Variants in TUT4 observed in about 807,000 individuals in gnomAD.
The protein encoded by TUT4 is terminal uridylyl transferase 4.
TUT4 carries 36 observed loss-of-function variants against 192.2 expected under a neutral mutation model. The ratio of observed to expected loss-of-function variants is 0.19; its 90% CI spans 0.14 to 0.25. The LOEUF (loss-of-function observed/expected upper bound fraction) is 0.25, where lower values mean the gene tolerates loss of function less well. TUT4 is among the 10% of genes least tolerant of loss of function. TUT4 has a pLI of 1.00. For missense variants in TUT4, 1,493 were observed against 1,957.2 expected (o/e 0.76, Z 4.47); for synonymous variants, 618 against 666.0 (o/e 0.93, Z 1.11).
chr1:52,478,771 C>T lies in TUT4; in HGVS notation c.1849-889G>A, dbSNP rs377231736. 1.4e-4 allele frequency among the ~76,000 whole-genome samples: 22 copies of T among 152,202 alleles called. No individual in the cohort carries two copies. The East Asian group carries it at 2.1e-3, about 15-fold the overall frequency. On this transcript the variant is annotated intron_variant, in intron 11 of 29. Transcript: ENST00000257177. ...TAGATGAAACCTGGCTAAAAGTAAC[C>T]ACTAGGCAGCATAAACACAATGAAA...
At chr1:52,540,820 T>C (rs771147802) in intron 1 of TUT4, among the ~76,000 whole-genome samples, 1 of 152,314 alleles carries the variant, frequency 6.6e-6, no homozygotes, top group Admixed American at 6.5e-5. Context: ...ACTCTTAAAA[T>C]ACTGAGGATC....
At chr1:52,538,135 C>G (rs1257003162) in intron 1 of TUT4, among the ~76,000 whole-genome samples, 1 of 152,104 alleles carries the variant, frequency 6.6e-6, no homozygotes, top group Non-Finnish European at 1.5e-5. Flanking sequence ...GCTTGGGAAG[C>G]TGAGGCACAA....
chr1:52,519,559 G>A (rs1349772609), intron 2 of TUT4, among the ~76,000 whole-genome samples: 1 of 151,676 alleles, frequency 6.6e-6, no homozygotes, highest in Non-Finnish European at 1.5e-5. Context: ...GCCCAGACTG[G>A]AGTGCAGTGG....
chr1:52,507,033 T>C (rs572372890), intron 4 of TUT4, among the ~76,000 whole-genome samples: 2 of 152,344 alleles, frequency 1.3e-5, no homozygotes, highest in Middle Eastern at 3.4e-3. Context: ...TCCCTACTAC[T>C]GAAACAAGAT....
chr1:52,437,111 A>C, intron 25 of TUT4, 133 bp from the exon 26 acceptor site: 1 of 1,272,520 alleles, frequency 7.9e-7, no homozygotes, highest in South Asian at 1.6e-5. Flanking sequence ...CAAGGGAACA[A>C]ACATTTATGG....
intron 26 of TUT4, among the ~76,000 whole-genome samples, chr1:52,436,042 A>G (rs1014437079): frequency 1.3e-5 from 2 of 152,006 alleles, no homozygotes; most frequent in African/African-American, 2.4e-5. Flanking sequence ...TTACTATTTA[A>G]CTCTCAAATT....
At chr1:52,459,921 G>C (rs898300130) in intron 19 of TUT4, among the ~76,000 whole-genome samples, 3 of 151,926 alleles carry the variant, frequency 2.0e-5, no homozygotes, top group Admixed American at 6.6e-5. Flanking sequence ...AAAAAATATA[G>C]GGGAGGGGGG....
chr1:52,501,112 T>C (rs1673965253), intron 4 of TUT4, among the ~76,000 whole-genome samples: 1 of 152,134 alleles, frequency 6.6e-6, no homozygotes, highest in Non-Finnish European at 1.5e-5. Context: ...TAAATTAGAC[T>C]GGACGAAATT....
chr1:52,515,563 A>G (rs931981536), intron 3 of TUT4: 1 of 433,828 alleles, frequency 2.3e-6, no homozygotes, highest in Admixed American at 3.9e-5. Flanking sequence ...ACAAATAGGC[A>G]TGGCTATATT....
At position 52,525,851 on chromosome 1, in the gene TUT4, A is replaced by C. The variant is rs775475526; in HGVS notation, c.430T>G (p.Ser144Ala). 11 of 1,614,038 alleles carry C rather than the reference A, an allele frequency of 6.8e-6. No homozygotes were observed. The highest frequency in any genetic ancestry group is 8.5e-6 in the Non-Finnish European group (10 of 1,180,018). ...SPNSVKAEKA[S>A]SYQMKSEKVP... ...TTTTCTGACTTCATCTGATAACTGG[A>C]TGCTTTTTCTGCTTTCACTGAATTA... is the stretch of plus-strand genomic sequence containing the variant. The change falls in exon 2 of 30, where the codon TCC becomes GCC. Residue 144 changes from serine to alanine, a missense_variant. Physicochemically the swap from Ser to Ala is moderately conservative, Grantham distance 99 (BLOSUM62 1). Coordinates refer to ENST00000257177, the MANE Select transcript of TUT4 (RefSeq NM_001009881.3).
In TUT4 at chr1:52,461,596, T is replaced by C. The variant is rs1390372955; in HGVS notation, c.3148A>G (p.Ile1050Val). Residue 1050 changes from isoleucine to valine, a missense_variant, in exon 18 of 30, where the codon ATA (isoleucine) becomes GTA (valine). By Grantham distance (29) the Ile-to-Val change is conservative. Transcript: ENST00000257177. ...ACTATAGGCACTTTGGCAGTAGTTA[T>C]AGGCAAAATGTTTCTTAAACCTAAT... The part of the protein sequence containing the change: ...RHPGLRNILP[I>V]TTAKVPIVKF... 3 of 1,612,438 alleles carry C rather than the reference T, an allele frequency of 1.9e-6. No individual in the cohort carries two copies. Among genetic ancestry groups the C allele is most frequent in the African/African-American group, 1.3e-5 (1 of 74,978 alleles).
chr1:52,431,110 G>A lies in TUT4; in HGVS notation c.4614C>T (p.Ala1538=), dbSNP rs186402109. 3.1e-6 allele frequency: 5 copies of A among 1,614,246 alleles called. No homozygotes were observed. The African/African-American group carries it at 6.7e-5, about 22-fold the overall frequency. ...DPSIIFAQPA[A]RPVAIPNTSH... ...ACGTGTTAGGGATTGCCACAGGTCT[G>A]GCAGCAGGCTGTGCAAAGATGATGC... The change falls in exon 28 of 30, where the codon GCC becomes GCT. Residue 1538 remains alanine, a synonymous_variant. Transcript: ENST00000257177.
chr1:52,423,685 G>A lies in TUT4; in HGVS notation c.*250C>T. ...AGATGAAATTTGTATCACTCAATTT[G>A]GTGATACTAGTAAAAACTATAGTTC... is the stretch of plus-strand genomic sequence containing the variant. On this transcript the variant is annotated 3_prime_UTR_variant, in exon 30 of 30. Transcript: ENST00000257177. The A allele has an allele frequency of 1.4e-6, 1 of 711,196 alleles. No individual in the cohort carries two copies. The highest frequency in any genetic ancestry group is 2.1e-6 in the Non-Finnish European group (1 of 466,772). 44.1% of individuals were successfully genotyped at this position (711,196 alleles called of 1,614,324 possible).
chr1:52,479,362 G>A (rs1319699970), intron 11 of TUT4, among the ~76,000 whole-genome samples: 7 of 152,130 alleles, frequency 4.6e-5, no homozygotes, highest in Non-Finnish European at 1.0e-4. Flanking sequence ...GACCATAAGA[G>A]GAAAGGGTAG....
chr1:52,431,326 A>G lies in TUT4; in HGVS notation c.4398T>C (p.Pro1466=), dbSNP rs1651996001. 2 of 1,613,862 alleles carry G rather than the reference A, an allele frequency of 1.2e-6. No homozygotes were observed. Among genetic ancestry groups the G allele is most frequent in the African/African-American group, 2.7e-5 (2 of 74,854 alleles). Residue 1466 remains proline (P), a synonymous_variant, in exon 28 of 30, where the codon CCT becomes CCC. Transcript: ENST00000257177. Reference sequence around the variant, plus strand: ...ACAGTGGCATCTGGACCTGATGGGGAGGTTGGGCTCCCTGCTGAGGTGGGC... The same window carrying G: ...ACAGTGGCATCTGGACCTGATGGGGGGGTTGGGCTCCCTGCTGAGGTGGGC... ...KLGPPQQGAQ[P]PHQVQMPLYN...
chr1:52,431,109 T>C lies in TUT4; in HGVS notation c.4615A>G (p.Arg1539Gly), dbSNP rs1239545243. ...PSIIFAQPAA[R>G]PVAIPNTSHD... Reference sequence around the variant, plus strand: ...GACGTGTTAGGGATTGCCACAGGTCTGGCAGCAGGCTGTGCAAAGATGATG... The same window carrying C: ...GACGTGTTAGGGATTGCCACAGGTCCGGCAGCAGGCTGTGCAAAGATGATG... Residue 1539 changes from arginine to glycine, a missense_variant, in exon 28 of 30, where the codon AGA becomes GGA. By Grantham distance (125) the Arg-to-Gly change is moderately radical (BLOSUM62 -2). Transcript: ENST00000257177. 10 of 1,614,268 alleles carry C rather than the reference T, an allele frequency of 6.2e-6. No individual in the cohort carries two copies. The highest frequency in any genetic ancestry group is 8.5e-6 in the Non-Finnish European group (10 of 1,180,038).
Position 52,533,075 on chromosome 1 carries a change from T to C in TUT4, c.-93-6702A>G, listed in dbSNP as rs565204356. On this transcript the variant is annotated intron_variant, in intron 1 of 29. Transcript: ENST00000257177. ...AGTAGATTGGGAGTGGGTTCCAATA[T>C]TCTGCATTTCAAACAAACCCAGGTC... is the stretch of plus-strand genomic sequence containing the variant. Among the ~76,000 whole-genome samples, 833 of 152,280 alleles carry C rather than the reference T, an allele frequency of 5.5e-3. 5 individuals carry two copies. The highest frequency in any genetic ancestry group is 0.02 in the South Asian group (95 of 4,814).
chr1:52,432,984 C>T (rs538272182), intron 27 of TUT4: 3 of 152,112 alleles, frequency 2.0e-5, no homozygotes, highest in African/African-American at 7.2e-5. Flanking sequence ...TAGGAGACTG[C>T]TAAAAGGCTG....
intron 1 of TUT4, among the ~76,000 whole-genome samples, chr1:52,532,296 T>G (rs1051356664): frequency 3.3e-5 from 5 of 152,058 alleles, no homozygotes; most frequent in Admixed American, 3.3e-4. Context: ...TATTTCTAAA[T>G]AACATGCTTA....
Sources: gnomAD v4.1 joint callset for allele counts (sites outside exome capture counted in the v4.1 genomes callset) on GRCh38, gnomAD v4.1.1 for gene constraint, MANE v1.5 for transcripts, NCBI Gene and HGNC (gene_info 2026-07-23, HGNC 2026-07-21) for gene names.